The following DLGAP1 variants were observed in gnomAD, a reference collection of about 807,000 sequenced individuals.
The protein encoded by DLGAP1 is disks large-associated protein 1.
Under a neutral mutation model 90.8 loss-of-function variants are expected in DLGAP1, and 11 were observed. That is an observed-to-expected ratio of 0.12 (90% CI 0.08 to 0.20). The LOEUF (loss-of-function observed/expected upper bound fraction) is 0.20. Among genes scored for constraint, DLGAP1 ranks in the 10% least tolerant of loss-of-function variants. The pLI, the probability that DLGAP1 is intolerant of heterozygous loss-of-function variation, is 1.00. For synonymous variants in DLGAP1, 558 were observed against 540.7 expected (o/e 1.03, Z -0.44); for missense variants, 1,050 against 1,333.8 (o/e 0.79, Z 3.31).
intron 8 of DLGAP1, among the ~76,000 whole-genome samples, chr18:3,571,716 C>T (rs2054799627): frequency 6.6e-6 from 1 of 151,914 alleles, no homozygotes; most frequent in African/African-American, 2.4e-5. Flanking sequence ...TTAGTAGAGA[C>T]TGGGTTTCAT....
intron 5 of DLGAP1, among the ~76,000 whole-genome samples, chr18:3,766,724 A>G (rs1014455001): frequency 6.6e-6 from 1 of 152,204 alleles, no homozygotes; most frequent in African/African-American, 2.4e-5. Context: ...TTAATAAGCC[A>G]TAGATAAAAG....
At chr18:3,699,969 G>T (rs342498) in intron 7 of DLGAP1, among the ~76,000 whole-genome samples, 68,237 of 151,968 alleles carry the variant, frequency 0.45, 16,664 homozygotes, top group East Asian at 0.63. Context: ...TGGACGCCCC[G>T]CCCCTGACCA....
chr18:4,002,596 A>G (rs2074216140), intron 3 of DLGAP1, among the ~76,000 whole-genome samples: 2 of 152,242 alleles, frequency 1.3e-5, no homozygotes, highest in South Asian at 4.1e-4. Context: ...AATATGTAAT[A>G]CATATTACAT....
chr18:4,320,413 T>TATTCTGTC (rs1206959828), intron 1 of DLGAP1, among the ~76,000 whole-genome samples: 1 of 152,214 alleles, frequency 6.6e-6, no homozygotes, highest in Non-Finnish European at 1.5e-5. Flanking sequence ...ATAAATGATA[T>TATTCTGTC]ATTCTGTCAT....
At chr18:3,545,133 G>T (rs567987345) in intron 9 of DLGAP1, among the ~76,000 whole-genome samples, 1 of 151,716 alleles carries the variant, frequency 6.6e-6, no homozygotes, top group Non-Finnish European at 1.5e-5. Context: ...AATTAGCCAG[G>T]AGTGGTGGCA....
At chr18:3,638,140 G>C (rs2146276476) in intron 7 of DLGAP1, among the ~76,000 whole-genome samples, 1 of 151,744 alleles carries the variant, frequency 6.6e-6, no homozygotes, top group Admixed American at 6.6e-5. Flanking sequence ...GTAGAGACAG[G>C]GTTTCACCGT....
intron 4 of DLGAP1, among the ~76,000 whole-genome samples, chr18:3,816,714 A>C (rs867756779): frequency 2.0e-5 from 3 of 152,158 alleles, no homozygotes; most frequent in Non-Finnish European, 4.4e-5. Flanking sequence ...TGAGGACACT[A>C]AAGTTATGTA....
chr18:3,866,215 A>ACTG lies in DLGAP1; in HGVS notation c.957+12894_957+12896dup, dbSNP rs140285643. Among the ~76,000 whole-genome samples, 1,234 of 152,204 alleles carry ACTG rather than the reference A, an allele frequency of 8.1e-3. 53 individuals are homozygous for ACTG. The highest frequency in any genetic ancestry group is 0.065 in the Admixed American group (991 of 15,270). On this transcript the variant is annotated intron_variant, in intron 4 of 12. Coordinates refer to ENST00000315677, the MANE Select transcript of DLGAP1 (RefSeq NM_004746.4). ...GCAGGGCACCAGGGCTGCAGTCTGG[A>ACTG]CTGCTGCTGCTGCTGCTAATACAAC... is the stretch of plus-strand genomic sequence containing the variant.
intron 2 of DLGAP1, among the ~76,000 whole-genome samples, chr18:4,049,295 C>G: frequency 6.6e-6 from 1 of 151,986 alleles, no homozygotes; most frequent in East Asian, 1.9e-4. Context: ...CAGCCATAGC[C>G]TGGGTTATAT....
chr18:3,586,372 C>T (rs17803229), intron 7 of DLGAP1, among the ~76,000 whole-genome samples: 2,712 of 152,258 alleles, frequency 0.018, 48 homozygotes, highest in Non-Finnish European at 0.023. Context: ...AGGACAGGAA[C>T]CATCTCCCAT....
chr18:3,763,013 G>A (rs755542309), intron 5 of DLGAP1, among the ~76,000 whole-genome samples: 2 of 152,172 alleles, frequency 1.3e-5, no homozygotes, highest in Non-Finnish European at 2.9e-5. Context: ...ATGGTGTGAT[G>A]GTTAATATTG....
At chr18:3,718,685 G>T (rs1479792006) in intron 7 of DLGAP1, among the ~76,000 whole-genome samples, 2 of 150,650 alleles carry the variant, frequency 1.3e-5, no homozygotes, top group African/African-American at 2.4e-5. Context: ...CAGCACTTTG[G>T]GGGGTCGAGG....
intron 1 of DLGAP1, among the ~76,000 whole-genome samples, chr18:4,345,069 T>C (rs1229726724): frequency 6.6e-6 from 1 of 152,194 alleles, no homozygotes; most frequent in Non-Finnish European, 1.5e-5. Context: ...GGCAAACCTT[T>C]GGATGACCTT....
Position 3,496,379 on chromosome 18 carries a change from A to G in DLGAP1, c.*2806T>C, listed in dbSNP as rs1461342832. On this transcript the variant is annotated 3_prime_UTR_variant, in exon 13 of 13. Transcript: ENST00000315677. ...GGTAATGCACAGTAAAACATTAAGG[A>G]AACATCTATAAATAACAGAAATATA... 1 of 152,202 alleles carries G rather than the reference A, an allele frequency of 6.6e-6. No homozygotes were observed. Among genetic ancestry groups the G allele is most frequent in the Admixed American group, 6.5e-5 (1 of 15,288 alleles). 9.4% of individuals were successfully genotyped at this position (152,202 alleles called of 1,614,324 possible). A position where few individuals can be genotyped will look rare whatever the true frequency, so the allele number is the denominator to read the frequency against.
intron 9 of DLGAP1, among the ~76,000 whole-genome samples, chr18:3,552,194 C>G (rs1228211708): frequency 6.6e-6 from 1 of 152,088 alleles, no homozygotes; most frequent in Non-Finnish European, 1.5e-5. Flanking sequence ...TTCCACATCC[C>G]TCATGGATGC....
At chr18:4,198,507 A>T (rs1311171495) in intron 1 of DLGAP1, among the ~76,000 whole-genome samples, 1 of 152,106 alleles carries the variant, frequency 6.6e-6, no homozygotes, top group Non-Finnish European at 1.5e-5. Flanking sequence ...TGCACATTTA[A>T]CGCATCAGAC....
At chr18:3,782,028 TGG>T (rs2065220549) in intron 5 of DLGAP1, among the ~76,000 whole-genome samples, 1 of 6,550 alleles carries the variant, frequency 1.5e-4, no homozygotes, top group South Asian at 0.011. Context: ...ATTCCAAGCT[TGG>T]AACAGTATTC....
At chr18:3,734,566 A>G (rs190722381) in intron 6 of DLGAP1, among the ~76,000 whole-genome samples, 5 of 152,336 alleles carry the variant, frequency 3.3e-5, no homozygotes, top group Admixed American at 2.0e-4. Context: ...TCATTTCTCA[A>G]CATGGTCACC....
At chr18:4,286,253 TCAAA>T (rs1402644646) in intron 1 of DLGAP1, among the ~76,000 whole-genome samples, 3 of 151,900 alleles carry the variant, frequency 2.0e-5, no homozygotes, top group Non-Finnish European at 4.4e-5. Flanking sequence ...ATAAAATCAA[TCAAA>T]CAAACATGAA....
Sources: allele counts gnomAD v4.1 joint callset (sites outside exome capture counted in the v4.1 genomes callset), GRCh38; gene constraint gnomAD v4.1.1; transcripts MANE v1.5; gene names NCBI Gene and HGNC (gene_info 2026-07-23, HGNC 2026-07-21).